ADAM29: variants seen among roughly 807,000 people sequenced by gnomAD.
ADAM29 encodes the protein disintegrin and metalloproteinase domain-containing protein 29.
For missense variants in ADAM29, 969 were observed against 1,001.8 expected, an observed-to-expected ratio of 0.97 and a Z score of 0.44; for synonymous variants, 367 against 342.3, an observed-to-expected ratio of 1.07 and a Z score of -0.80.
At chr4:174,943,239 A>G (rs1323561235) in intron 4 of ADAM29, among the ~76,000 whole-genome samples, 1 of 152,146 alleles carries the variant, frequency 6.6e-6, no homozygotes, top group Non-Finnish European at 1.5e-5. Context: ...GTCTTTTTCT[A>G]AGCCCTCCAA....
intron 4 of ADAM29, among the ~76,000 whole-genome samples, chr4:174,944,702 C>T (rs1744741329): frequency 6.6e-6 from 1 of 152,136 alleles, no homozygotes; most frequent in Non-Finnish European, 1.5e-5. Context: ...CTCAAGTAAG[C>T]CCTCATGTCT....
intron 2 of ADAM29, among the ~76,000 whole-genome samples, chr4:174,925,192 T>C (rs1743434755): frequency 6.6e-6 from 1 of 152,140 alleles, no homozygotes; most frequent in African/African-American, 2.4e-5. Flanking sequence ...GATGGGACCT[T>C]GGAATCACAA....
intron 4 of ADAM29, among the ~76,000 whole-genome samples, chr4:174,963,097 A>G (rs560501670): frequency 6.6e-6 from 1 of 152,204 alleles, no homozygotes; most frequent in Non-Finnish European, 1.5e-5. Context: ...AATCTAATCA[A>G]AATTCTAAGA....
At chr4:174,949,117 G>A (rs1194314942) in intron 4 of ADAM29, among the ~76,000 whole-genome samples, 1 of 152,110 alleles carries the variant, frequency 6.6e-6, no homozygotes, top group Non-Finnish European at 1.5e-5. Flanking sequence ...CCCTGGTTGG[G>A]TAACCGAGGC....
chr4:174,945,351 T>G (rs1302056942), intron 4 of ADAM29, among the ~76,000 whole-genome samples: 3 of 152,210 alleles, frequency 2.0e-5, no homozygotes, highest in African/African-American at 7.2e-5. Context: ...TGTTTGTTTT[T>G]ACTTGCTAAT....
At chr4:174,925,992 T>A (rs527971675) in intron 2 of ADAM29, among the ~76,000 whole-genome samples, 11 of 152,238 alleles carry the variant, frequency 7.2e-5, no homozygotes, top group South Asian at 2.1e-4. Flanking sequence ...CAAATCATTT[T>A]AAAAAAAATT....
intron 3 of ADAM29, among the ~76,000 whole-genome samples, chr4:174,933,270 A>C (rs2110940083): frequency 6.6e-6 from 1 of 152,280 alleles, no homozygotes; most frequent in South Asian, 2.1e-4. Flanking sequence ...GTGGTCATAC[A>C]ACCTCTTAGA....
Position 174,975,723 on chromosome 4 carries a change from C to T in ADAM29, c.198C>T (p.His66=). ...LPFGGQKHII[H]IKVKKLLFSK... is the part of the protein sequence containing the mutation. ...TTGGAGGCCAGAAACACATTATCCA[C>T]ATAAAGGTCAAGAAGCTTTTGTTTT... The change falls in exon 5 of 5, where the codon CAC becomes CAT. Residue 66 remains histidine (H), a synonymous_variant. Transcript: ENST00000359240. 6.2e-7 allele frequency: 1 copy of T among 1,611,920 alleles called. No individual in the cohort carries two copies. The highest frequency in any genetic ancestry group is 8.5e-7 in the Non-Finnish European group (1 of 1,179,116).
At chr4:174,933,177 C>T (rs188631751) in intron 3 of ADAM29, among the ~76,000 whole-genome samples, 7 of 152,192 alleles carry the variant, frequency 4.6e-5, no homozygotes, top group Admixed American at 3.9e-4. Flanking sequence ...AGCTCTCTGC[C>T]TGAAAGTGTG....
Position 174,977,357 on chromosome 4 carries a change from T to C in ADAM29, c.1832T>C (p.Ile611Thr), listed in dbSNP as rs764217958. 4.3e-6 allele frequency: 7 copies of C among 1,613,642 alleles called. No individual in the cohort carries two copies. The highest frequency in any genetic ancestry group is 5.9e-6 in the Non-Finnish European group (7 of 1,180,030). ...GTECGIDHIC[I>T]HRHCVHITIL... ...GAGTGTGGGATAGATCATATATGCA[T>C]CCACAGGCACTGTGTCCATATAACC... Residue 611 changes from isoleucine (I) to threonine (T), a missense_variant, in exon 5 of 5, where the codon ATC (isoleucine) becomes ACC (threonine). Physicochemically the swap from Ile to Thr is moderately conservative, Grantham distance 89. Transcript: ENST00000359240.
At chr4:174,937,877 A>G (rs943825600) in intron 4 of ADAM29, among the ~76,000 whole-genome samples, 1 of 152,100 alleles carries the variant, frequency 6.6e-6, no homozygotes, top group East Asian at 1.9e-4. Context: ...ACAAATTGCA[A>G]TGTTAAAAGC....
intron 2 of ADAM29, among the ~76,000 whole-genome samples, chr4:174,922,294 G>C (rs993205114): frequency 1.3e-5 from 2 of 152,104 alleles, no homozygotes; most frequent in African/African-American, 4.8e-5. Context: ...CTTTCAACAA[G>C]AGAAAAAAGC....
At chr4:174,951,053 C>G (rs1473930638) in intron 4 of ADAM29, among the ~76,000 whole-genome samples, 1 of 152,180 alleles carries the variant, frequency 6.6e-6, no homozygotes, top group Non-Finnish European at 1.5e-5. Context: ...ATAATTTACA[C>G]AGTCTCAGGT....
chr4:174,943,899 A>T (rs1744691420), intron 4 of ADAM29, among the ~76,000 whole-genome samples: 1 of 152,072 alleles, frequency 6.6e-6, no homozygotes, highest in Non-Finnish European at 1.5e-5. Flanking sequence ...ATGAGAAATT[A>T]TTCAATGGTT....
intron 4 of ADAM29, among the ~76,000 whole-genome samples, chr4:174,961,517 T>C (rs557019367): frequency 1.3e-5 from 2 of 152,104 alleles, no homozygotes; most frequent in African/African-American, 4.8e-5. Flanking sequence ...TTCGTGCTCA[T>C]TAGTACAAAT....
intron 4 of ADAM29, among the ~76,000 whole-genome samples, chr4:174,952,412 G>A (rs543338334): frequency 6.6e-6 from 1 of 151,974 alleles, no homozygotes; most frequent in East Asian, 1.9e-4. Flanking sequence ...ATGGGTGACT[G>A]AGATCTTCCC....
chr4:174,963,752 G>A (rs1317595565), intron 4 of ADAM29, among the ~76,000 whole-genome samples: 5 of 152,020 alleles, frequency 3.3e-5, no homozygotes, highest in Admixed American at 2.6e-4. Flanking sequence ...GCACGATCTC[G>A]GCTCACTGCA....
At chr4:174,920,182 C>T (rs182266877) in intron 1 of ADAM29, among the ~76,000 whole-genome samples, 1 of 152,216 alleles carries the variant, frequency 6.6e-6, no homozygotes, top group African/African-American at 2.4e-5. Flanking sequence ...TATTTTTCTA[C>T]TAACCCAATG....
chr4:174,954,715 GA>G (rs1745401174), intron 4 of ADAM29, among the ~76,000 whole-genome samples: 1 of 152,126 alleles, frequency 6.6e-6, no homozygotes, highest in East Asian at 1.9e-4. Context: ...CAGGCAGTCA[GA>G]AGGGTAAGTA....
Sources: allele counts gnomAD v4.1 joint callset (sites outside exome capture counted in the v4.1 genomes callset), GRCh38; gene constraint gnomAD v4.1.1; transcripts MANE v1.5; gene names NCBI Gene and HGNC (gene_info 2026-07-23, HGNC 2026-07-21).